Variants in COL25A1 observed in about 807,000 individuals in gnomAD.
COL25A1 encodes collagen alpha-1(XXV) chain.
Under a neutral mutation model 128.4 loss-of-function variants are expected in COL25A1, and 103 were observed. The ratio of observed to expected loss-of-function variants is 0.80; its 90% confidence interval spans 0.68 to 0.94. The LOEUF is 0.94. Among genes scored for constraint, COL25A1 ranks in the 40% least tolerant of loss-of-function variants. The pLI, the probability that COL25A1 is intolerant of heterozygous loss-of-function variation, is 0.00. For synonymous variants in COL25A1, 279 were observed against 277.2 expected (o/e 1.01, Z -0.06); for missense variants, 745 against 840.0 (o/e 0.89, Z 1.40).
intron 3 of COL25A1, among the ~76,000 whole-genome samples, chr4:109,288,495 GT>G (rs1724110192): frequency 1.3e-5 from 2 of 151,988 alleles, no homozygotes; most frequent in Non-Finnish European, 1.5e-5. Flanking sequence ...TACTTTTCTG[GT>G]TTTTTTATAT....
chr4:108,982,067 G>C (rs150418966), intron 6 of COL25A1, among the ~76,000 whole-genome samples: 33 of 152,042 alleles, frequency 2.2e-4, no homozygotes, highest in Non-Finnish European at 4.9e-4. Flanking sequence ...GGTGGCATGC[G>C]CCTGTAATCC....
chr4:108,905,535 A>AAATAAT (rs1015774104), intron 13 of COL25A1, among the ~76,000 whole-genome samples: 2 of 150,266 alleles, frequency 1.3e-5, no homozygotes, highest in Non-Finnish European at 3.0e-5. Context: ...ATAAAAATAA[A>AAATAAT]AATAATAATA....
chr4:109,204,091 A>G (rs1314193872), intron 3 of COL25A1, among the ~76,000 whole-genome samples: 1 of 152,224 alleles, frequency 6.6e-6, no homozygotes, highest in Non-Finnish European at 1.5e-5. Context: ...TAGGAAGGTA[A>G]ATAACAGAAA....
At chr4:108,912,463 C>T (rs1560850542) in intron 13 of COL25A1, among the ~76,000 whole-genome samples, 1 of 152,124 alleles carries the variant, frequency 6.6e-6, no homozygotes, top group South Asian at 2.1e-4. Flanking sequence ...ATCAATCAAT[C>T]ACTTAATTTA....
intron 33 of COL25A1, among the ~76,000 whole-genome samples, 163 bp downstream of exon 33, chr4:108,826,972 A>G (rs1413374851): frequency 1.3e-5 from 2 of 152,160 alleles, no homozygotes; most frequent in African/African-American, 4.8e-5. Context: ...ACTGAATATG[A>G]CCTATTTGTG....
At chr4:108,815,611 T>C (rs552925008) in intron 37 of COL25A1, among the ~76,000 whole-genome samples, 1 of 152,232 alleles carries the variant, frequency 6.6e-6, no homozygotes, top group South Asian at 2.1e-4. Context: ...TTTAATCTTA[T>C]GTAGTGTATA....
intron 3 of COL25A1, among the ~76,000 whole-genome samples, chr4:109,126,015 T>A (rs533768224): frequency 2.8e-4 from 43 of 152,170 alleles, no homozygotes; most frequent in African/African-American, 1.0e-3. Context: ...CAAAGCTTTT[T>A]ACTCCTTCAC....
chr4:109,047,927 T>C (rs1277113674), intron 5 of COL25A1, among the ~76,000 whole-genome samples: 1 of 151,766 alleles, frequency 6.6e-6, no homozygotes, highest in Non-Finnish European at 1.5e-5. Flanking sequence ...ACAGATGGGG[T>C]TTCACCGTGT....
intron 3 of COL25A1, among the ~76,000 whole-genome samples, chr4:109,069,824 T>C (rs1179244293): frequency 6.6e-6 from 1 of 152,202 alleles, no homozygotes; most frequent in Non-Finnish European, 1.5e-5. Flanking sequence ...CTTCTAAACA[T>C]TTGAAAACTC....
At chr4:108,911,765 A>G (rs893667545) in intron 13 of COL25A1, among the ~76,000 whole-genome samples, 1 of 150,126 alleles carries the variant, frequency 6.7e-6, no homozygotes. Flanking sequence ...AGTGGATTTC[A>G]TGATGCCATA....
intron 11 of COL25A1, among the ~76,000 whole-genome samples, chr4:108,922,265 AT>A (rs1252544186): frequency 6.6e-6 from 1 of 152,214 alleles, no homozygotes; most frequent in Non-Finnish European, 1.5e-5. Flanking sequence ...AGATCTGAGA[AT>A]GAAGAAAGGA....
intron 3 of COL25A1, among the ~76,000 whole-genome samples, chr4:109,184,448 C>T (rs1482654023): frequency 4.6e-5 from 7 of 152,214 alleles, no homozygotes; most frequent in Admixed American, 6.5e-5. Flanking sequence ...CAGGGCCTAA[C>T]GAAGTGTTAG....
At chr4:109,049,129 G>GA (rs199760484) in intron 4 of COL25A1, among the ~76,000 whole-genome samples, 2,502 of 151,732 alleles carry the variant, frequency 0.016, 68 homozygotes, top group African/African-American at 0.057. Flanking sequence ...AATGAGGCAA[G>GA]AAAAAAAACC....
At chr4:109,033,264 AC>A (rs1415473104) in intron 5 of COL25A1, among the ~76,000 whole-genome samples, 2 of 152,254 alleles carry the variant, frequency 1.3e-5, no homozygotes, top group Non-Finnish European at 2.9e-5. Context: ...GTTATGTAGC[AC>A]TATCCTTATT....
At chr4:109,055,863 G>C (rs540819037) in intron 3 of COL25A1, among the ~76,000 whole-genome samples, 1 of 152,266 alleles carries the variant, frequency 6.6e-6, no homozygotes, top group South Asian at 2.1e-4. Flanking sequence ...TAATTTTTTA[G>C]AAGAAATGAC....
intron 22 of COL25A1, among the ~76,000 whole-genome samples, chr4:108,862,170 G>A (rs868825884): frequency 2.6e-5 from 4 of 152,092 alleles, no homozygotes; most frequent in Non-Finnish European, 4.4e-5. Flanking sequence ...CAAAGACAGC[G>A]AGGAAATGAA....
chr4:109,098,771 C>A (rs1765631339), intron 3 of COL25A1, among the ~76,000 whole-genome samples: 1 of 152,126 alleles, frequency 6.6e-6, no homozygotes, highest in African/African-American at 2.4e-5. Flanking sequence ...ACCCCTATTC[C>A]CCAATCTACT....
chr4:109,058,909 C>A (rs558183676), intron 3 of COL25A1, among the ~76,000 whole-genome samples: 1 of 152,182 alleles, frequency 6.6e-6, no homozygotes, highest in African/African-American at 2.4e-5. Flanking sequence ...AATGAATAAA[C>A]AGAAAGGCAA....
chr4:109,284,349 T>C (rs926797882), intron 3 of COL25A1, among the ~76,000 whole-genome samples: 3 of 152,086 alleles, frequency 2.0e-5, no homozygotes, highest in Non-Finnish European at 2.9e-5. Context: ...TACTTGAACC[T>C]AGAAGGTAGA....
Sources: gnomAD v4.1 joint callset for allele counts (sites outside exome capture counted in the v4.1 genomes callset) on GRCh38, gnomAD v4.1.1 for gene constraint, MANE v1.5 for transcripts, NCBI Gene and HGNC (gene_info 2026-07-23, HGNC 2026-07-21) for gene names.